Variants in SPTSSA observed in about 807,000 individuals in gnomAD.
SPTSSA encodes the protein small subunit of serine palmitoyltransferase A.
Under a neutral mutation model 9.1 loss-of-function variants are expected in SPTSSA, and 8 were observed. The observed-to-expected ratio is 0.88, with a 90% confidence interval of 0.51 to 1.58. SPTSSA has a LOEUF of 1.58. Ranked by LOEUF, SPTSSA falls within the 40% of genes most tolerant of loss-of-function variation. The pLI, the probability that SPTSSA is intolerant of heterozygous loss-of-function variation, is 0.00. For synonymous variants in SPTSSA, 42 were observed against 37.7 expected (o/e 1.11, Z -0.41); for missense variants, 100 against 93.8 (o/e 1.07, Z -0.27).
chr14:34,454,321 C>T (rs1883576551), intron 1 of SPTSSA, among the ~76,000 whole-genome samples: 1 of 152,232 alleles, frequency 6.6e-6, no homozygotes, highest in African/African-American at 2.4e-5. Context: ...ACTAGAATCA[C>T]ATGCTGAAAC....
chr14:34,451,065 TAAAAA>T (rs546786841), intron 1 of SPTSSA, among the ~76,000 whole-genome samples: 1 of 141,746 alleles, frequency 7.1e-6, no homozygotes, highest in Non-Finnish European at 1.5e-5. Context: ...ATCAGCAACT[TAAAAA>T]AAAAAAGTCC....
chr14:34,447,687 G>A (rs1319292161), intron 1 of SPTSSA, among the ~76,000 whole-genome samples: 1 of 152,172 alleles, frequency 6.6e-6, no homozygotes, highest in African/African-American at 2.4e-5. Flanking sequence ...TTCATGCACT[G>A]GGCCCCAACA....
rs899496847 is a variant in SPTSSA at position 34,432,809 on chromosome 14, C to A, written c.*2392G>T. Reference sequence around the variant, plus strand: ...TAGCTTTTTTCAGCAATAAATAATTCTTTAATTAAGATAGGTATATTGGGT... The same window carrying A: ...TAGCTTTTTTCAGCAATAAATAATTATTTAATTAAGATAGGTATATTGGGT... On this transcript the variant is annotated 3_prime_UTR_variant, in exon 2 of 2. Coordinates refer to ENST00000298130, the MANE Select transcript of SPTSSA (RefSeq NM_138288.4). 1.3e-5 allele frequency: 2 copies of A among 151,252 alleles called. No homozygotes were observed. The highest frequency in any genetic ancestry group is 1.9e-4 in the East Asian group (1 of 5,172). 9.4% of individuals were successfully genotyped at this position (151,252 alleles called of 1,614,324 possible). A position where few individuals can be genotyped will look rare whatever the true frequency, so the allele number is the denominator to read the frequency against.
intron 1 of SPTSSA, among the ~76,000 whole-genome samples, chr14:34,449,503 CTTTT>C (rs35238717): frequency 4.0e-5 from 5 of 123,712 alleles, no homozygotes; most frequent in Non-Finnish European, 6.8e-5. Context: ...CCCGGCCTCC[CTTTT>C]TTTTTTTTTT....
At chr14:34,443,872 TTCTC>T (rs937967180) in intron 1 of SPTSSA, among the ~76,000 whole-genome samples, 2 of 152,080 alleles carry the variant, frequency 1.3e-5, no homozygotes, top group East Asian at 3.8e-4. Context: ...AGTCATATTT[TTCTC>T]TCTCTCTGCC....
At chr14:34,457,672 G>T (rs1464531036) in intron 1 of SPTSSA, among the ~76,000 whole-genome samples, 1 of 152,132 alleles carries the variant, frequency 6.6e-6, no homozygotes, top group Non-Finnish European at 1.5e-5. Context: ...TGTCTCATCA[G>T]AAGACAGATG....
intron 1 of SPTSSA, among the ~76,000 whole-genome samples, chr14:34,451,987 G>A (rs1290953440): frequency 6.6e-6 from 1 of 152,044 alleles, no homozygotes. Context: ...ATCACCAACA[G>A]AAATGTAAAG....
chr14:34,445,088 TAAA>T (rs111971284), intron 1 of SPTSSA, among the ~76,000 whole-genome samples: 1 of 149,922 alleles, frequency 6.7e-6, no homozygotes, highest in Non-Finnish European at 1.5e-5. Flanking sequence ...AGGCTCCATC[TAAA>T]AAAAAAATTT....
intron 1 of SPTSSA, among the ~76,000 whole-genome samples, chr14:34,436,391 T>C (rs538572444): frequency 5.3e-5 from 8 of 152,328 alleles, no homozygotes; most frequent in African/African-American, 1.9e-4. Flanking sequence ...CTTTGCACAG[T>C]TACATAGGAT....
In SPTSSA at chr14:34,445,975, G is replaced by A. The variant is rs113730070; in HGVS notation, c.113-10671C>T. Among the ~76,000 whole-genome samples the A allele has an allele frequency of 5.3e-3, 801 of 152,282 alleles. 9 individuals are homozygous for A. Among genetic ancestry groups the A allele is most frequent in the African/African-American group, 0.019 (770 of 41,550 alleles). On this transcript the variant is annotated intron_variant, in intron 1 of 1. Transcript: ENST00000298130. ...AAGCTTCACGTACATTTGGTCACCT[G>A]GTGGGCCATTTAAATATTTTACAAA...
chr14:34,447,223 C>CT (rs1268750004), intron 1 of SPTSSA, among the ~76,000 whole-genome samples: 3 of 86,230 alleles, frequency 3.5e-5, no homozygotes, highest in African/African-American at 1.6e-4. Flanking sequence ...GACTCCATCT[C>CT]TTAAAAAAAA....
Position 34,453,872 on chromosome 14 carries a change from G to T in SPTSSA, c.112+8224C>A, listed in dbSNP as rs1407074746. The stretch of plus-strand genomic sequence containing the variant: ...TAAATTACTAAATTTGAGCATTTGG[G>T]GTTTGTTCTTTTAAAAAAAAAAAGA... On this transcript the variant is annotated intron_variant, in intron 1 of 1. Coordinates refer to ENST00000298130, the MANE Select transcript of SPTSSA (RefSeq NM_138288.4). Among the ~76,000 whole-genome samples the T allele has an allele frequency of 3.4e-5, 5 of 147,028 alleles. 1 individual carries two copies. Among genetic ancestry groups the T allele is most frequent in the Middle Eastern group, 7.1e-3 (2 of 282 alleles).
intron 1 of SPTSSA, among the ~76,000 whole-genome samples, chr14:34,440,313 A>G (rs1228587915): frequency 6.6e-6 from 1 of 152,242 alleles, no homozygotes; most frequent in African/African-American, 2.4e-5. Flanking sequence ...AACAGTTTCC[A>G]GGCAATATTG....
At position 34,462,155 on chromosome 14, in the gene SPTSSA, T is replaced by C; in HGVS notation, c.53A>G (p.Tyr18Cys). ...GAGCGCCGTGACCAGCAGGTACTGGTAGTAGAACCAGGACATCTGCTTCCA... is the reference window on the plus strand; with the variant it reads ...GAGCGCCGTGACCAGCAGGTACTGGCAGTAGAACCAGGACATCTGCTTCCA... ...RAWKQMSWFY[Y>C]QYLLVTALYM... The change falls in exon 1 of 2, where the codon TAC (tyrosine) becomes TGC (cysteine). Residue 18 changes from tyrosine to cysteine, a missense_variant. Physicochemically the swap from Tyr to Cys is radical, Grantham distance 194. Transcript: ENST00000298130. 6.5e-7 allele frequency: 1 copy of C among 1,529,838 alleles called. No homozygotes were observed. Among genetic ancestry groups the C allele is most frequent in the Non-Finnish European group, 8.8e-7 (1 of 1,134,386 alleles). The allele number at this position is 1,529,838 out of a possible 1,614,324, so 94.8% of individuals were successfully genotyped here.
chr14:34,435,251 T>G lies in SPTSSA; in HGVS notation c.166A>C (p.Met56Leu). ...AATATCGCCATGATGTGCTGGGGCA[T>G]GAAGACGTATCCTGTGTATAGTGCC... The part of the protein sequence containing the change: ...GMALYTGYVF[M>L]PQHIMAILHY... Residue 56 changes from methionine (M) to leucine (L), a missense_variant, in exon 2 of 2, where the codon ATG (methionine) becomes CTG (leucine). Transcript: ENST00000298130. The G allele has an allele frequency of 6.2e-7, 1 of 1,614,032 alleles. No homozygotes were observed. Among genetic ancestry groups the G allele is most frequent in the Non-Finnish European group, 8.5e-7 (1 of 1,179,914 alleles).
chr14:34,458,522 A>C (rs1594627357), intron 1 of SPTSSA, among the ~76,000 whole-genome samples: 1 of 135,484 alleles, frequency 7.4e-6, no homozygotes, highest in Non-Finnish European at 1.6e-5. Context: ...TTTGAGATGG[A>C]GTCTTGCTCT....
At chr14:34,455,424 C>T (rs1379782771) in intron 1 of SPTSSA, among the ~76,000 whole-genome samples, 3 of 151,910 alleles carry the variant, frequency 2.0e-5, no homozygotes, top group South Asian at 4.2e-4. Context: ...TTTATATATT[C>T]ACAGAATATC....
rs1470625142 is a variant in SPTSSA, at chr14:34,433,845, C to G, written c.*1356G>C. 2 of 151,860 alleles carry G rather than the reference C, an allele frequency of 1.3e-5. No individual in the cohort carries two copies. Among genetic ancestry groups the G allele is most frequent in the African/African-American group, 2.4e-5 (1 of 41,296 alleles). 9.4% of individuals were successfully genotyped at this position (151,860 alleles called of 1,614,324 possible). A position where few individuals can be genotyped will look rare whatever the true frequency, so the allele number is the denominator to read the frequency against. ...AGGCATGGTGGCAGGTGCCTGTAAT[C>G]CCAGCTATTCAGGAGGCTGAGGCAG... On this transcript the variant is annotated 3_prime_UTR_variant, in exon 2 of 2. Transcript: ENST00000298130.
At position 34,434,400 on chromosome 14, in the gene SPTSSA, T is replaced by C. The variant is rs1247936515; in HGVS notation, c.*801A>G. On this transcript the variant is annotated 3_prime_UTR_variant, in exon 2 of 2. Coordinates refer to ENST00000298130, the MANE Select transcript of SPTSSA (RefSeq NM_138288.4). ...TAAATTTAAGGAAGTACATTGTTAA[T>C]AGTGACCCTCGGAGGAAATGGATTT... 3 of 152,682 alleles carry C rather than the reference T, an allele frequency of 2.0e-5. No individual in the cohort carries two copies. The highest frequency in any genetic ancestry group is 2.1e-4 in the South Asian group (1 of 4,834). 9.5% of individuals were successfully genotyped at this position (152,682 alleles called of 1,614,324 possible).
Sources: allele counts gnomAD v4.1 joint callset (sites outside exome capture counted in the v4.1 genomes callset), GRCh38; gene constraint gnomAD v4.1.1; transcripts MANE v1.5; gene names NCBI Gene and HGNC (gene_info 2026-07-23, HGNC 2026-07-21).